Variants in PTPRG observed in about 807,000 individuals in gnomAD.
PTPRG encodes receptor-type tyrosine-protein phosphatase gamma.
PTPRG carries 102 observed loss-of-function variants against 165.3 expected under a neutral mutation model. That is an observed-to-expected ratio of 0.62 (90% CI 0.53 to 0.73). The LOEUF (loss-of-function observed/expected upper bound fraction) is 0.73, where lower values mean the gene tolerates loss of function less well. Ranked by LOEUF, PTPRG falls within the 30% of genes least tolerant of loss-of-function variation. The probability of loss-of-function intolerance (pLI) is 0.00; values close to 1 mark genes in which losing one functional copy is unlikely to be tolerated. For missense variants in PTPRG, 1,866 were observed against 1,861.4 expected, an observed-to-expected ratio of 1.00 and a Z score of -0.05; for synonymous variants, 675 against 669.5, an observed-to-expected ratio of 1.01 and a Z score of -0.13.
intron 26 of PTPRG, among the ~76,000 whole-genome samples, chr3:62,279,318 A>G (rs528264257): frequency 7.2e-5 from 11 of 152,178 alleles, no homozygotes; most frequent in African/African-American, 2.4e-4. Context: ...CTGCTGAATT[A>G]AGAAGCAGCA....
intron 1 of PTPRG, among the ~76,000 whole-genome samples, chr3:61,672,153 A>C (rs1363158086): frequency 1.4e-5 from 2 of 145,752 alleles, no homozygotes; most frequent in East Asian, 4.1e-4. Flanking sequence ...CTCACTTCCC[A>C]GATGTGATGG....
chr3:61,680,612 AT>A (rs1309444428), intron 1 of PTPRG, among the ~76,000 whole-genome samples: 138 of 134,512 alleles, frequency 1.0e-3, no homozygotes, highest in Non-Finnish European at 1.8e-3. Flanking sequence ...AAAAAAAAAA[AT>A]CATACAAAAA....
At chr3:62,040,323 G>A (rs917800669) in intron 4 of PTPRG, among the ~76,000 whole-genome samples, 1 of 152,156 alleles carries the variant, frequency 6.6e-6, no homozygotes, top group East Asian at 1.9e-4. Context: ...TACTTATCTG[G>A]CAGTGAGCAC....
intron 2 of PTPRG, among the ~76,000 whole-genome samples, chr3:61,920,764 A>T (rs529777517): frequency 6.6e-6 from 1 of 152,342 alleles, no homozygotes; most frequent in African/African-American, 2.4e-5. Context: ...GATATTCCTT[A>T]TGCCCCCTGA....
chr3:62,206,912 C>CAAAAAAAAAAAAAAAAAA (rs556974355), intron 12 of PTPRG, among the ~76,000 whole-genome samples: 6 of 37,330 alleles, frequency 1.6e-4, no homozygotes, highest in African/African-American at 4.3e-4. Context: ...GACTCTGTCT[C>CAAAAAAAAAAAAAAAAAA]AAAAAAAAAA....
intron 1 of PTPRG, among the ~76,000 whole-genome samples, chr3:61,603,484 T>C (rs1239167305): frequency 6.6e-6 from 1 of 152,216 alleles, no homozygotes; most frequent in Non-Finnish European, 1.5e-5. Context: ...GCTTCCAGTA[T>C]AGCCTGAAAA....
At chr3:61,946,800 C>T (rs1271941977) in intron 2 of PTPRG, among the ~76,000 whole-genome samples, 3 of 152,200 alleles carry the variant, frequency 2.0e-5, no homozygotes, top group South Asian at 2.1e-4. Context: ...TTTAAGCACA[C>T]TGAATTTGTA....
At chr3:62,144,254 G>C (rs1052330888) in intron 6 of PTPRG, among the ~76,000 whole-genome samples, 3 of 152,126 alleles carry the variant, frequency 2.0e-5, no homozygotes, top group Non-Finnish European at 2.9e-5. Flanking sequence ...TAATAGTGTT[G>C]CCTGCACCCA....
chr3:62,043,247 A>G (rs903031114), intron 4 of PTPRG, among the ~76,000 whole-genome samples: 2 of 152,214 alleles, frequency 1.3e-5, no homozygotes, highest in African/African-American at 4.8e-5. Context: ...AATCAACTCT[A>G]TAGATACACC....
chr3:61,904,943 A>T (rs1362478062), intron 2 of PTPRG, among the ~76,000 whole-genome samples: 1 of 151,776 alleles, frequency 6.6e-6, no homozygotes, highest in African/African-American at 2.4e-5. Context: ...GTAATGTTGT[A>T]AATGGGTAGA....
At chr3:61,633,289 G>T (rs547389107) in intron 1 of PTPRG, among the ~76,000 whole-genome samples, 48 of 152,334 alleles carry the variant, frequency 3.2e-4, no homozygotes, top group Non-Finnish European at 5.3e-4. Context: ...CAGCACTTGA[G>T]ATATAGGAAG....
At chr3:61,928,470 C>G (rs1367358377) in intron 2 of PTPRG, among the ~76,000 whole-genome samples, 1 of 152,080 alleles carries the variant, frequency 6.6e-6, no homozygotes, top group Non-Finnish European at 1.5e-5. Flanking sequence ...CTTGAATTTA[C>G]TGAAAGAAAA....
intron 3 of PTPRG, among the ~76,000 whole-genome samples, chr3:61,990,725 G>GT (rs560523112): frequency 3.0e-4 from 45 of 151,604 alleles, no homozygotes; most frequent in Middle Eastern, 3.4e-3. Context: ...ATTAAAGCAA[G>GT]TTTTTTTTTC....
chr3:62,276,169 G>T (rs541666005), intron 24 of PTPRG, among the ~76,000 whole-genome samples: 11 of 152,210 alleles, frequency 7.2e-5, no homozygotes, highest in Non-Finnish European at 1.2e-4. Context: ...ACTACCAAAA[G>T]GGAAAATGTT....
intron 10 of PTPRG, among the ~76,000 whole-genome samples, chr3:62,198,327 T>G (rs997624201): frequency 3.3e-5 from 5 of 152,186 alleles, no homozygotes; most frequent in African/African-American, 1.2e-4. Context: ...TCAGAAGAAC[T>G]CTGCTACTAA....
In PTPRG at chr3:62,210,547, T is replaced by C. The variant is rs953861888; in HGVS notation, c.2155+6597T>C. ...AAAAAGTGAAACCAGAATTACCATA[T>C]GATTTAGCAGTTCTACTTCTGGGTA... On this transcript the variant is annotated intron_variant, in intron 12 of 29. Coordinates refer to ENST00000474889, the MANE Select transcript of PTPRG (RefSeq NM_002841.4). The surrounding 1 kb of genome is among the most constrained non-coding windows in gnomAD (Gnocchi z 4.1). Among the ~76,000 whole-genome samples the C allele has an allele frequency of 1.3e-5, 2 of 152,228 alleles. No individual in the cohort carries two copies. Among genetic ancestry groups the C allele is most frequent in the East Asian group, 1.9e-4 (1 of 5,202 alleles).
intron 1 of PTPRG, among the ~76,000 whole-genome samples, chr3:61,713,671 G>T (rs923504127): frequency 3.9e-5 from 6 of 152,026 alleles, no homozygotes; most frequent in Non-Finnish European, 2.9e-5. Flanking sequence ...GTTAAATACA[G>T]TCCCAGATTT....
chr3:61,734,098 G>C (rs2032627815), intron 1 of PTPRG, among the ~76,000 whole-genome samples: 1 of 152,132 alleles, frequency 6.6e-6, no homozygotes, highest in Admixed American at 6.5e-5. Context: ...TGTTCACTTT[G>C]GGTAAATTAT....
In PTPRG at chr3:62,124,486, G is replaced by A. The variant is rs191091864; in HGVS notation, c.616-8116G>A. On this transcript the variant is annotated intron_variant, in intron 5 of 29. Coordinates refer to ENST00000474889, the MANE Select transcript of PTPRG (RefSeq NM_002841.4). ...CCAGCTCCTTGAGCTTGGAGTAGCA[G>A]TCATTCATGTTTTACAGCAGGCTCA... 1.2e-4 allele frequency: 201 copies of A among 1,608,040 alleles called. 1 individual carries two copies. The African/African-American group carries it at 2.3e-3, about 19-fold the overall frequency.
Sources: gnomAD v4.1 joint callset for allele counts (sites outside exome capture counted in the v4.1 genomes callset) on GRCh38, gnomAD v4.1.1 for gene constraint, Gnocchi (gnomAD v3.1) non-coding constraint, MANE v1.5 for transcripts, NCBI Gene and HGNC (gene_info 2026-07-23, HGNC 2026-07-21) for gene names.